Variants in SND1 observed in about 807,000 individuals in gnomAD.
SND1 encodes staphylococcal nuclease domain-containing protein 1.
In SND1, 38 loss-of-function variants were observed where a neutral mutation model predicts 121.7. The ratio of observed to expected loss-of-function variants is 0.31; its 90% CI spans 0.24 to 0.41. SND1 has a LOEUF of 0.41. SND1 is among the 10% of genes least tolerant of loss of function. The pLI is 1.00. For synonymous variants in SND1, 401 were observed against 447.4 expected (o/e 0.90, Z 1.31); for missense variants, 868 against 1,184.6 (o/e 0.73, Z 3.92).
At chr7:127,836,611 A>C (rs1423155408) in intron 11 of SND1, among the ~76,000 whole-genome samples, 1 of 152,210 alleles carries the variant, frequency 6.6e-6, no homozygotes, top group African/African-American at 2.4e-5. Flanking sequence ...TCAGCATTTT[A>C]TAATTATAAA....
intron 9 of SND1, among the ~76,000 whole-genome samples, chr7:127,710,949 C>G (rs945236320): frequency 6.6e-6 from 1 of 152,146 alleles, no homozygotes; most frequent in African/African-American, 2.4e-5. Flanking sequence ...CTTCTAGTTT[C>G]CTGCAAAATT....
intron 16 of SND1, among the ~76,000 whole-genome samples, chr7:128,055,429 G>T (rs960286133): frequency 6.6e-6 from 1 of 152,128 alleles, no homozygotes; most frequent in African/African-American, 2.4e-5. Flanking sequence ...GGAAGGAAAT[G>T]GGAACCTATT....
chr7:128,042,382 C>G (rs1202609253), intron 16 of SND1: 1 of 152,266 alleles, frequency 6.6e-6, no homozygotes, highest in African/African-American at 2.4e-5. Flanking sequence ...CCTGTCCTTC[C>G]TGCCCTGGCT....
chr7:127,951,432 A>T (rs1241262755), intron 15 of SND1, among the ~76,000 whole-genome samples: 2 of 152,224 alleles, frequency 1.3e-5, no homozygotes, highest in African/African-American at 4.8e-5. Context: ...GCCTTGGGAA[A>T]CAGGGAGTTG....
chr7:127,802,714 A>G (rs1043138766), intron 10 of SND1, among the ~76,000 whole-genome samples: 3 of 152,136 alleles, frequency 2.0e-5, no homozygotes, highest in Non-Finnish European at 2.9e-5. Context: ...TGCCCATTCA[A>G]CATCTCCACT....
At chr7:127,773,890 A>G (rs1584562673) in intron 10 of SND1, among the ~76,000 whole-genome samples, 1 of 152,176 alleles carries the variant, frequency 6.6e-6, no homozygotes, top group Non-Finnish European at 1.5e-5. Context: ...AAAAATTCCT[A>G]TTGCCTACTG....
chr7:127,722,112 G>T (rs1178449751), intron 10 of SND1, among the ~76,000 whole-genome samples: 1 of 151,972 alleles, frequency 6.6e-6, no homozygotes, highest in African/African-American at 2.4e-5. Context: ...TTGGGGATTT[G>T]GTTATGTCAT....
chr7:127,897,418 T>C (rs567634603), intron 13 of SND1, among the ~76,000 whole-genome samples: 10 of 152,240 alleles, frequency 6.6e-5, no homozygotes, highest in African/African-American at 2.4e-4. Context: ...TCAGGTATTT[T>C]GGGGGTAAAA....
intron 13 of SND1, among the ~76,000 whole-genome samples, chr7:127,890,846 G>A (rs2116736556): frequency 6.6e-6 from 1 of 152,286 alleles, no homozygotes; most frequent in East Asian, 1.9e-4. Context: ...GCAGTGAGCT[G>A]CCTAGAGATA....
intron 22 of SND1, 148 bp downstream of exon 22, chr7:128,089,840 T>G: frequency 6.8e-6 from 5 of 732,520 alleles, no homozygotes; most frequent in Non-Finnish European, 1.1e-5. Flanking sequence ...GTTGGTGTTT[T>G]TTTGTTTTTG....
At chr7:127,970,718 CT>C (rs1346510664) in intron 15 of SND1, among the ~76,000 whole-genome samples, 1 of 152,144 alleles carries the variant, frequency 6.6e-6, no homozygotes, top group Admixed American at 6.5e-5. Context: ...ACTTTAACCC[CT>C]GATTCTTGCC....
At chr7:127,735,794 T>G (rs1378861403) in intron 10 of SND1, among the ~76,000 whole-genome samples, 1 of 152,130 alleles carries the variant, frequency 6.6e-6, no homozygotes, top group Admixed American at 6.5e-5. Context: ...GCCTGGCTAA[T>G]TTTTGTATTT....
At chr7:127,691,676 A>C (rs1587599330) in intron 2 of SND1, among the ~76,000 whole-genome samples, 1 of 151,860 alleles carries the variant, frequency 6.6e-6, no homozygotes, top group South Asian at 2.1e-4. Flanking sequence ...GCAGTGGCGC[A>C]ATCTTGGCTC....
intron 16 of SND1, among the ~76,000 whole-genome samples, chr7:128,042,708 T>C (rs11769596): frequency 7.9e-5 from 12 of 152,188 alleles, no homozygotes; most frequent in Non-Finnish European, 1.8e-4. Flanking sequence ...AAATAAGAAT[T>C]CTGCTCCTGA....
intron 10 of SND1, among the ~76,000 whole-genome samples, chr7:127,801,888 C>T (rs1284202097): frequency 6.6e-6 from 1 of 152,078 alleles, no homozygotes; most frequent in Admixed American, 6.6e-5. Context: ...GTCGCCCCCG[C>T]TGGAGTGCAG....
At chr7:127,822,548 T>C (rs1798567420) in intron 11 of SND1, among the ~76,000 whole-genome samples, 1 of 152,232 alleles carries the variant, frequency 6.6e-6, no homozygotes, top group Admixed American at 6.5e-5. Context: ...CATTTACTGC[T>C]CATTTTTTCA....
intron 10 of SND1, among the ~76,000 whole-genome samples, chr7:127,781,828 C>T (rs1207338103): frequency 6.6e-6 from 1 of 152,172 alleles, no homozygotes; most frequent in East Asian, 1.9e-4. Context: ...GATTTGTAAT[C>T]TCATAGAATA....
intron 21 of SND1, among the ~76,000 whole-genome samples, chr7:128,087,499 C>A (rs1793706051): frequency 6.6e-6 from 1 of 152,172 alleles, no homozygotes; most frequent in Non-Finnish European, 1.5e-5. Context: ...GCACAGTGAA[C>A]AGAGGGACTA....
intron 16 of SND1, chr7:127,997,514 A>G (rs938488565): frequency 1.5e-5 from 5 of 338,128 alleles, no homozygotes; most frequent in African/African-American, 1.1e-4. Context: ...CTGCTGTTTG[A>G]TTTTTGTGGG....
Sources: gnomAD v4.1 joint callset for allele counts (sites outside exome capture counted in the v4.1 genomes callset) on GRCh38, gnomAD v4.1.1 for gene constraint, MANE v1.5 for transcripts, NCBI Gene and HGNC (gene_info 2026-07-23, HGNC 2026-07-21) for gene names.